MYL11: variants seen among roughly 807,000 people sequenced by gnomAD.
MYL11 encodes the protein myosin light chain 11.
At chr16:30,374,812 T>A in the MYL11 span, 1 of 1,611,358 alleles carries the variant, frequency 6.2e-7, no homozygotes, top group Non-Finnish European at 8.5e-7. Context: ...GACTCCTTGC[T>A]TCTTTCCAGC....
the MYL11 span, chr16:30,374,930 A>G: frequency 6.4e-7 from 1 of 1,571,232 alleles, no homozygotes; most frequent in Non-Finnish European, 8.6e-7. Context: ...TTTGAAAGAA[A>G]GTAGCTGGTT....
the MYL11 span, among the ~76,000 whole-genome samples, chr16:30,374,316 A>G: frequency 7.3e-5 from 11 of 150,758 alleles, no homozygotes; most frequent in African/African-American, 2.7e-4. Flanking sequence ...GACTGTCTAA[A>G]AAAAAAAAAA....
At chr16:30,376,290 C>T in the MYL11 span, 1 of 1,574,476 alleles carries the variant, frequency 6.4e-7, no homozygotes, top group Admixed American at 1.7e-5. Context: ...GCCTTGGGTT[C>T]CAGCCCTGTC....
the MYL11 span, chr16:30,376,644 C>A: frequency 1.2e-6 from 2 of 1,614,156 alleles, no homozygotes; most frequent in Non-Finnish European, 1.7e-6. Flanking sequence ...GATGTGATCA[C>A]CGGAGCCTTC....
At chr16:30,376,372 G>T in the MYL11 span, 2 of 1,578,294 alleles carry the variant, frequency 1.3e-6, no homozygotes, top group Admixed American at 1.7e-5. Flanking sequence ...GGAAGCGCAG[G>T]CCCGGCCCCA....
the MYL11 span, chr16:30,374,832 T>C: frequency 6.2e-7 from 1 of 1,613,388 alleles, no homozygotes; most frequent in South Asian, 1.1e-5. Context: ...CCGGAGCCGC[T>C]GCCTTGCCCC....
At chr16:30,374,845 G>C in the MYL11 span, 1 of 1,613,410 alleles carries the variant, frequency 6.2e-7, no homozygotes, top group Non-Finnish European at 8.5e-7. Context: ...CTTGCCCCCC[G>C]GAGACTGAAG....
chr16:30,374,843 C>T, the MYL11 span: 1 of 1,613,498 alleles, frequency 6.2e-7, no homozygotes, highest in Non-Finnish European at 8.5e-7. Flanking sequence ...GCCTTGCCCC[C>T]CGGAGACTGA....
chr16:30,374,644 G>A, the MYL11 span: 19 of 545,038 alleles, frequency 3.5e-5, no homozygotes, highest in South Asian at 7.5e-5. Flanking sequence ...CTTCCTCCCC[G>A]CTGGGCTCCA....
the MYL11 span, chr16:30,377,835 G>T: frequency 1.2e-6 from 2 of 1,614,144 alleles, no homozygotes; most frequent in South Asian, 2.2e-5. Context: ...CGACGTGGGC[G>T]GCAACGTCGA....
At chr16:30,372,773 TC>T in the MYL11 span, 1 of 149,742 alleles carries the variant, frequency 6.7e-6, no homozygotes, top group Non-Finnish European at 1.5e-5. Flanking sequence ...TTTCCAAGGT[TC>T]CCCAGGGTCT....
the MYL11 span, chr16:30,376,257 T>A: frequency 6.2e-7 from 1 of 1,607,612 alleles, no homozygotes; most frequent in Admixed American, 1.7e-5. Flanking sequence ...TATTCAAGGC[T>A]GCAGAGTCTA....
the MYL11 span, chr16:30,377,819 C>T: frequency 3.7e-6 from 6 of 1,613,078 alleles, no homozygotes; most frequent in African/African-American, 6.7e-5. Flanking sequence ...GGGCGGCCTT[C>T]CCCCCCGACG....
At chr16:30,374,672 A>C in the MYL11 span, 39 of 617,334 alleles carry the variant, frequency 6.3e-5, no homozygotes, top group Non-Finnish European at 9.3e-5. Flanking sequence ...CCAGCCCTCC[A>C]AGAAAGGAGA....
chr16:30,374,790 C>A, the MYL11 span: 1 of 1,593,066 alleles, frequency 6.3e-7, no homozygotes, highest in Non-Finnish European at 8.6e-7. Flanking sequence ...CCCAGAGGGA[C>A]TGCCCCATGC....
chr16:30,372,177 T>A, the MYL11 span: 1 of 152,444 alleles, frequency 6.6e-6, no homozygotes. Context: ...CAGTAATAAG[T>A]GGGCTCCTCC....
At chr16:30,374,730 C>G in the MYL11 span, 110 of 1,272,866 alleles carry the variant, frequency 8.6e-5, no homozygotes, top group Non-Finnish European at 1.1e-4. Context: ...ACCCGCAGGG[C>G]TAAGGTTACC....
chr16:30,374,188 C>T, the MYL11 span, among the ~76,000 whole-genome samples: 1 of 151,726 alleles, frequency 6.6e-6, no homozygotes, highest in Non-Finnish European at 1.5e-5. Context: ...CTTCGTGGCA[C>T]ACCTATAATC....
the MYL11 span, among the ~76,000 whole-genome samples, chr16:30,373,587 C>T: frequency 6.8e-6 from 1 of 146,622 alleles, no homozygotes; most frequent in Admixed American, 6.8e-5. Context: ...CAAAACGAGA[C>T]TTCATCTCAA....
Sources: gnomAD v4.1 joint callset for allele counts (sites outside exome capture counted in the v4.1 genomes callset) on GRCh38, gnomAD v4.1.1 for gene constraint, MANE v1.5 for transcripts, NCBI Gene and HGNC (gene_info 2026-07-23, HGNC 2026-07-21) for gene names.